Variants in SLC30A7 observed in about 807,000 individuals in gnomAD.
The protein encoded by SLC30A7 is solute carrier family 30 member 7, also known as zinc transporter 7.
A neutral mutation model predicts 46.0 loss-of-function variants in SLC30A7; 35 were observed. The observed-to-expected ratio is 0.76, with a 90% CI of 0.58 to 1.01. The LOEUF is 1.01. Ranked by LOEUF, SLC30A7 falls within the 50% of genes least tolerant of loss-of-function variation. The pLI, the probability that SLC30A7 is intolerant of heterozygous loss-of-function variation, is 0.00. For missense variants in SLC30A7, 464 were observed against 451.1 expected, an observed-to-expected ratio of 1.03 and a Z score of -0.26; for synonymous variants, 147 against 157.8, an observed-to-expected ratio of 0.93 and a Z score of 0.51.
chr1:100,960,603 G>A (rs1655481880), intron 8 of SLC30A7, among the ~76,000 whole-genome samples: 2 of 152,076 alleles, frequency 1.3e-5, no homozygotes, highest in African/African-American at 4.8e-5. Context: ...TTGAAAGATG[G>A]ATGTTCTTTT....
chr1:100,981,540 T>C lies in SLC30A7; in HGVS notation c.*6683T>C, dbSNP rs555933096. ...GTTTGAGTACAAGGCTAAGTTATAA[T>C]GTCAACTTTCAAAGACTATGTTGTG... On this transcript the variant is annotated 3_prime_UTR_variant, in exon 11 of 11. Transcript: ENST00000357650. 1.3e-5 allele frequency: 2 copies of C among 152,332 alleles called. No individual in the cohort carries two copies. Among genetic ancestry groups the C allele is most frequent in the East Asian group, 3.9e-4 (2 of 5,192 alleles). The allele number at this position is 152,332 out of a possible 1,614,324, so 9.4% of individuals were successfully genotyped here. A position where few individuals can be genotyped will look rare whatever the true frequency, so the allele number is the denominator to read the frequency against.
At chr1:100,918,759 T>G (rs1652756937) in intron 7 of SLC30A7, among the ~76,000 whole-genome samples, 1 of 152,180 alleles carries the variant, frequency 6.6e-6, no homozygotes, top group Admixed American at 6.5e-5. Flanking sequence ...GTAATTTATT[T>G]AATACAGTCC....
chr1:100,995,031 C>G, the SLC30A7 span: 1 of 1,009,358 alleles, frequency 9.9e-7, no homozygotes. Flanking sequence ...ATCTTTAGAA[C>G]TCAGGTCATT....
chr1:100,896,409 T>A, intron 1 of SLC30A7, 67 bp downstream of exon 1: 1 of 1,551,194 alleles, frequency 6.4e-7, no homozygotes, highest in Non-Finnish European at 8.9e-7. Context: ...GACCTCAGGA[T>A]GGCCCGAGGT....
At position 100,980,779 on chromosome 1, in the gene SLC30A7, T is replaced by C. The variant is rs1656881832; in HGVS notation, c.*5922T>C. On this transcript the variant is annotated 3_prime_UTR_variant, in exon 11 of 11. Transcript: ENST00000357650. ...GATCGGAATTTGACAGAATTGGGAC[T>C]GTGGAACCTGGGTCACTTGAATTTT... 2 of 152,072 alleles carry C rather than the reference T, an allele frequency of 1.3e-5. No homozygotes were observed. The highest frequency in any genetic ancestry group is 2.1e-4 in the South Asian group (1 of 4,828). The allele number at this position is 152,072 out of a possible 1,614,324, so 9.4% of individuals were successfully genotyped here.
the SLC30A7 span, chr1:100,995,784 T>G: frequency 6.6e-6 from 1 of 152,218 alleles, no homozygotes; most frequent in Non-Finnish European, 1.5e-5. Flanking sequence ...TCACTCATGC[T>G]CAACTGAACT....
chr1:100,965,731 C>G (rs767687549), intron 9 of SLC30A7, 38 bp from the exon 10 acceptor site: 15 of 1,581,224 alleles, frequency 9.5e-6, no homozygotes, highest in Non-Finnish European at 1.3e-5. Flanking sequence ...GAGTGCTTAA[C>G]TTGATTATGA....
At chr1:100,944,119 A>C (rs780146982) in intron 8 of SLC30A7, among the ~76,000 whole-genome samples, 10 of 152,132 alleles carry the variant, frequency 6.6e-5, no homozygotes, top group African/African-American at 1.7e-4. Context: ...GCAGTGGCAC[A>C]GTCTCTGCAG....
At chr1:100,947,711 T>A (rs1056256136) in intron 8 of SLC30A7, among the ~76,000 whole-genome samples, 23 of 152,212 alleles carry the variant, frequency 1.5e-4, no homozygotes, top group South Asian at 6.2e-4. Flanking sequence ...AAGGACTTGC[T>A]TTATGAATCT....
At chr1:100,923,151 G>A (rs1185117778) in intron 8 of SLC30A7, among the ~76,000 whole-genome samples, 1 of 135,910 alleles carries the variant, frequency 7.4e-6, no homozygotes, top group East Asian at 2.1e-4. Flanking sequence ...CGAGTAGCTG[G>A]GACTACAGGC....
At chr1:100,949,990 C>T (rs907533340) in intron 8 of SLC30A7, among the ~76,000 whole-genome samples, 1 of 152,226 alleles carries the variant, frequency 6.6e-6, no homozygotes, top group Non-Finnish European at 1.5e-5. Flanking sequence ...ATGCCCCACC[C>T]TGCTTCAGCT....
chr1:100,934,503 C>T (rs1421440453), intron 8 of SLC30A7, among the ~76,000 whole-genome samples: 1 of 151,902 alleles, frequency 6.6e-6, no homozygotes, highest in Non-Finnish European at 1.5e-5. Flanking sequence ...TAGATATTTT[C>T]ATATTATGGT....
intron 10 of SLC30A7, among the ~76,000 whole-genome samples, chr1:100,974,609 G>T (rs1437334442): frequency 1.3e-5 from 2 of 151,760 alleles, no homozygotes; most frequent in Non-Finnish European, 2.9e-5. Flanking sequence ...CTGTTAACAT[G>T]GCTCTTTTTT....
chr1:100,972,751 T>C (rs1656231565), intron 10 of SLC30A7: 1 of 152,020 alleles, frequency 6.6e-6, no homozygotes, highest in South Asian at 2.1e-4. Context: ...TCAGATCATA[T>C]AATTGTAATC....
chr1:100,944,073 A>G (rs1273189511), intron 8 of SLC30A7, among the ~76,000 whole-genome samples: 1 of 152,146 alleles, frequency 6.6e-6, no homozygotes, highest in Non-Finnish European at 1.5e-5. Flanking sequence ...TTTTTTCGAG[A>G]CAGGGTCTGG....
the SLC30A7 span, among the ~76,000 whole-genome samples, chr1:100,986,925 C>T: frequency 1.3e-5 from 2 of 152,070 alleles, no homozygotes; most frequent in African/African-American, 4.8e-5. Context: ...CAAATGTATG[C>T]AGCCTTCAGG....
At chr1:100,966,404 AG>A (rs11362786) in intron 10 of SLC30A7, among the ~76,000 whole-genome samples, 16,763 of 151,856 alleles carry the variant, frequency 0.11, 1,083 homozygotes, top group Non-Finnish European at 0.15. Context: ...TAATACAGTG[AG>A]ACCCCGTCTC....
At chr1:100,957,792 C>G (rs1399641936) in intron 8 of SLC30A7, among the ~76,000 whole-genome samples, 3 of 152,094 alleles carry the variant, frequency 2.0e-5, no homozygotes, top group Non-Finnish European at 1.5e-5. Flanking sequence ...TGCCCATTTT[C>G]TGAGTACAGT....
intron 10 of SLC30A7, among the ~76,000 whole-genome samples, chr1:100,972,104 G>A (rs1229977494): frequency 6.6e-6 from 1 of 152,134 alleles, no homozygotes; most frequent in Non-Finnish European, 1.5e-5. Flanking sequence ...GCCAGCCTCT[G>A]GCTCCTGGTC....
Sources: allele counts gnomAD v4.1 joint callset (sites outside exome capture counted in the v4.1 genomes callset), GRCh38; gene constraint gnomAD v4.1.1; transcripts MANE v1.5; gene names NCBI Gene and HGNC (gene_info 2026-07-23, HGNC 2026-07-21).